Variants in SLC35F3 observed in about 807,000 individuals in gnomAD.
SLC35F3 encodes the protein solute carrier family 35 member F3, also known as putative thiamine transporter SLC35F3.
Under a neutral mutation model 49.9 loss-of-function variants are expected in SLC35F3, and 25 were observed. The ratio of observed to expected loss-of-function variants is 0.50; its 90% CI spans 0.37 to 0.70. SLC35F3 has a LOEUF of 0.70. SLC35F3 is among the 30% of genes least tolerant of loss of function. SLC35F3 has a pLI of 0.00. For synonymous variants in SLC35F3, 275 were observed against 265.4 expected (o/e 1.04, Z -0.35); for missense variants, 525 against 639.8 (o/e 0.82, Z 1.94).
At chr1:234,276,367 C>T (rs941429805) in intron 3 of SLC35F3, among the ~76,000 whole-genome samples, 1 of 152,142 alleles carries the variant, frequency 6.6e-6, no homozygotes, top group African/African-American at 2.4e-5. Context: ...ATGTTCAGAA[C>T]AGAGAGACTT....
At chr1:233,959,480 C>A (rs1044756209) in intron 2 of SLC35F3, among the ~76,000 whole-genome samples, 3 of 152,030 alleles carry the variant, frequency 2.0e-5, no homozygotes, top group African/African-American at 7.3e-5. Flanking sequence ...GGGTTAGCAG[C>A]AAACAATATT....
chr1:233,990,032 T>G (rs1663327306), intron 2 of SLC35F3, among the ~76,000 whole-genome samples: 1 of 152,220 alleles, frequency 6.6e-6, no homozygotes, highest in African/African-American at 2.4e-5. Flanking sequence ...TGGATCACTG[T>G]ATCATAAACT....
intron 3 of SLC35F3, among the ~76,000 whole-genome samples, chr1:234,299,949 C>T (rs370121108): frequency 6.6e-6 from 1 of 151,644 alleles, no homozygotes; most frequent in Non-Finnish European, 1.5e-5. Flanking sequence ...AGAGCATGAA[C>T]CTTTGAATTC....
intron 2 of SLC35F3, among the ~76,000 whole-genome samples, chr1:233,927,485 A>G (rs1662178713): frequency 1.3e-5 from 2 of 152,126 alleles, no homozygotes; most frequent in Admixed American, 1.3e-4. Context: ...ATACTCATGT[A>G]TGGGCACGTG....
intron 5 of SLC35F3, among the ~76,000 whole-genome samples, chr1:234,317,443 A>G (rs1572150794): frequency 6.6e-6 from 1 of 151,510 alleles, no homozygotes; most frequent in East Asian, 1.9e-4. Context: ...GAATGCAAAT[A>G]TTTTCAGGAC....
intron 2 of SLC35F3, among the ~76,000 whole-genome samples, chr1:234,024,602 C>T (rs1363688696): frequency 1.3e-5 from 2 of 152,136 alleles, no homozygotes; most frequent in East Asian, 3.9e-4. Flanking sequence ...ACGTGAAGGA[C>T]ACCACATGAT....
intron 2 of SLC35F3, among the ~76,000 whole-genome samples, chr1:234,032,952 T>C (rs1664085101): frequency 6.6e-6 from 1 of 152,190 alleles, no homozygotes; most frequent in South Asian, 2.1e-4. Context: ...CTGTTTTCCA[T>C]AGTAGTTATA....
At chr1:234,281,012 G>A (rs144022641) in intron 3 of SLC35F3, among the ~76,000 whole-genome samples, 142 of 152,242 alleles carry the variant, frequency 9.3e-4, no homozygotes, top group African/African-American at 3.2e-3. Flanking sequence ...TCCTAAAGGC[G>A]GGAGTCAGCC....
intron 2 of SLC35F3, among the ~76,000 whole-genome samples, chr1:234,065,661 A>G (rs1367971830): frequency 6.6e-6 from 1 of 152,196 alleles, no homozygotes; most frequent in Non-Finnish European, 1.5e-5. Context: ...TGGGCATGTG[A>G]TGTTAGTAAA....
intron 2 of SLC35F3, among the ~76,000 whole-genome samples, chr1:234,205,557 A>T (rs866943948): frequency 6.6e-6 from 1 of 152,240 alleles, no homozygotes; most frequent in African/African-American, 2.4e-5. Context: ...GCTGGACTCC[A>T]CTAGGGCTCT....
intron 2 of SLC35F3, among the ~76,000 whole-genome samples, chr1:234,182,727 AC>A (rs1666581331): frequency 6.6e-6 from 1 of 151,998 alleles, no homozygotes; most frequent in Non-Finnish European, 1.5e-5. Flanking sequence ...ATTGCTAATT[AC>A]ATGATATTGT....
intron 2 of SLC35F3, among the ~76,000 whole-genome samples, chr1:234,040,505 C>T (rs1664204088): frequency 6.6e-6 from 1 of 152,246 alleles, no homozygotes; most frequent in African/African-American, 2.4e-5. Flanking sequence ...CTGCCCCCTG[C>T]TTCTATCATT....
chr1:234,249,728 C>G (rs1175934993), intron 3 of SLC35F3, among the ~76,000 whole-genome samples: 1 of 152,216 alleles, frequency 6.6e-6, no homozygotes, highest in Non-Finnish European at 1.5e-5. Context: ...TCACCATTAT[C>G]GTTCATGGGT....
Position 234,163,556 on chromosome 1 carries a change from A to C in SLC35F3, c.284-67861A>C, listed in dbSNP as rs78975619. Among the ~76,000 whole-genome samples, 1,161 of 152,286 alleles carry C rather than the reference A, an allele frequency of 7.6e-3. 20 individuals are homozygous for C. Among genetic ancestry groups the C allele is most frequent in the African/African-American group, 0.025 (1,049 of 41,564 alleles). On this transcript the variant is annotated intron_variant, in intron 2 of 7. Transcript: ENST00000366618. ...GGGCAAGGAAAACAAATGGTGAGTG[A>C]GAGGGCCCAGCTTGCCATGCCTGAG...
chr1:234,298,114 G>A (rs973510180), intron 3 of SLC35F3, among the ~76,000 whole-genome samples: 3 of 152,066 alleles, frequency 2.0e-5, no homozygotes, highest in African/African-American at 7.2e-5. Flanking sequence ...GCCTTTTTTA[G>A]GTCAATCATA....
intron 3 of SLC35F3, among the ~76,000 whole-genome samples, chr1:234,237,962 C>G (rs776423552): frequency 7.2e-5 from 11 of 152,202 alleles, no homozygotes; most frequent in East Asian, 1.9e-4. Context: ...CCTTGGCCCC[C>G]CAAAGTGCTG....
chr1:234,316,941 C>T (rs1657504028), intron 5 of SLC35F3, among the ~76,000 whole-genome samples: 1 of 152,212 alleles, frequency 6.6e-6, no homozygotes, highest in South Asian at 2.1e-4. Flanking sequence ...TTGGCTTTGG[C>T]TCTCTGGGCC....
At chr1:234,084,018 T>C (rs767600643) in intron 2 of SLC35F3, among the ~76,000 whole-genome samples, 2 of 152,020 alleles carry the variant, frequency 1.3e-5, no homozygotes, top group Non-Finnish European at 2.9e-5. Context: ...TTTGTATTCT[T>C]AGTAGAGATG....
chr1:234,267,355 G>A (rs1435982660), intron 3 of SLC35F3, among the ~76,000 whole-genome samples: 104 of 138,178 alleles, frequency 7.5e-4, no homozygotes, highest in African/African-American at 2.6e-3. Flanking sequence ...CCACAAAACC[G>A]CCATTGTCAT....
Sources: gnomAD v4.1 joint callset for allele counts (sites outside exome capture counted in the v4.1 genomes callset) on GRCh38, gnomAD v4.1.1 for gene constraint, MANE v1.5 for transcripts, NCBI Gene and HGNC (gene_info 2026-07-23, HGNC 2026-07-21) for gene names.